The following TSPEAR variants were observed in gnomAD, a reference collection of about 807,000 sequenced individuals.
The protein encoded by TSPEAR is thrombospondin type laminin G domain and EAR repeats.
A neutral mutation model predicts 71.6 loss-of-function variants in TSPEAR; 69 were observed. That is an observed-to-expected ratio of 0.96 (90% CI 0.79 to 1.18). The LOEUF (loss-of-function observed/expected upper bound fraction) is 1.18. Among genes scored for constraint, TSPEAR ranks in the 50% most tolerant of loss-of-function variants. The pLI is 0.00. For missense variants in TSPEAR, 971 were observed against 894.9 expected, an observed-to-expected ratio of 1.09 and a Z score of -1.09; for synonymous variants, 402 against 387.2, an observed-to-expected ratio of 1.04 and a Z score of -0.45.
At chr21:44,574,935 C>G (rs200987020) in intron 1 of TSPEAR, 5 of 1,605,118 alleles carry the variant, frequency 3.1e-6, no homozygotes, top group Admixed American at 1.7e-5. Flanking sequence ...CAGCTGCTGC[C>G]GCCCAGCCTC....
At chr21:44,539,488 G>A (rs782110276) in intron 2 of TSPEAR, 8 of 1,613,758 alleles carry the variant, frequency 5.0e-6, no homozygotes, top group Non-Finnish European at 6.8e-6. Context: ...AGGAGGTGGT[G>A]CAGCAAGCCG....
chr21:44,517,175 G>A (rs1601346158), intron 9 of TSPEAR: 1 of 152,476 alleles, frequency 6.6e-6, no homozygotes, highest in Admixed American at 6.5e-5. Context: ...AGACCATCTG[G>A]GCTGGCTTCT....
At chr21:44,518,170 G>A (rs1555913728) in intron 9 of TSPEAR, 2 of 378,770 alleles carry the variant, frequency 5.3e-6, no homozygotes, top group Non-Finnish European at 1.1e-5. Context: ...GAATACTTCT[G>A]AAGACAAGTA....
intron 10 of TSPEAR, among the ~76,000 whole-genome samples, chr21:44,507,686 C>T (rs1335538937): frequency 6.6e-6 from 1 of 152,240 alleles, no homozygotes; most frequent in African/African-American, 2.4e-5. Context: ...CTAGACTGGG[C>T]ATCATGTCCA....
chr21:44,514,201 C>T (rs782163950), intron 9 of TSPEAR, among the ~76,000 whole-genome samples: 20 of 152,182 alleles, frequency 1.3e-4, no homozygotes, highest in Non-Finnish European at 2.1e-4. Context: ...GACAGATGTG[C>T]AGATGGAGAC....
intron 1 of TSPEAR, among the ~76,000 whole-genome samples, chr21:44,639,844 C>T (rs1983922892): frequency 6.6e-6 from 1 of 151,740 alleles, no homozygotes; most frequent in Non-Finnish European, 1.5e-5. Flanking sequence ...CGACAGGACC[C>T]AGCCTGTCTG....
chr21:44,699,448 G>T (rs1214224730), intron 1 of TSPEAR, among the ~76,000 whole-genome samples: 1 of 150,308 alleles, frequency 6.7e-6, no homozygotes, highest in East Asian at 1.9e-4. Context: ...CCTCCTGACT[G>T]CAGCCTCTGA....
intron 1 of TSPEAR, among the ~76,000 whole-genome samples, chr21:44,572,834 GACACACACACACACACACACAC>G (rs71199612): frequency 1.8e-4 from 22 of 124,892 alleles, no homozygotes; most frequent in South Asian, 3.3e-4. Flanking sequence ...GGGAGATTTG[GACACACACACACACACACACAC>G]ACACACACAC....
chr21:44,518,679 A>C (rs1249451547), intron 9 of TSPEAR: 2 of 469,564 alleles, frequency 4.3e-6, no homozygotes, highest in African/African-American at 2.0e-5. Flanking sequence ...CCTGCCCCCC[A>C]CCAGCTCATT....
rs782442290 is a variant in TSPEAR, at chr21:44,567,904, A to G, written c.184T>C (p.Ser62Pro). ...QVHGARGLQL[S>P]VAAPRTMSFP... ...CTCATGGTGCGGGGGGCGGCTACTGAGAGCTGGAGTCCCCGTGCACCGTGA... is the reference window on the plus strand; with the variant it reads ...CTCATGGTGCGGGGGGCGGCTACTGGGAGCTGGAGTCCCCGTGCACCGTGA... Residue 62 changes from serine (S) to proline (P), a missense_variant, in exon 2 of 12, where the codon TCA becomes CCA. Physicochemically the swap from Ser to Pro is moderately conservative, Grantham distance 74. Transcript: ENST00000323084. 1.9e-6 allele frequency: 3 copies of G among 1,607,864 alleles called. No homozygotes were observed. Among genetic ancestry groups the G allele is most frequent in the Non-Finnish European group, 2.6e-6 (3 of 1,176,188 alleles).
chr21:44,624,531 G>A (rs1257060543), intron 1 of TSPEAR, among the ~76,000 whole-genome samples: 6 of 152,144 alleles, frequency 3.9e-5, no homozygotes, highest in African/African-American at 1.4e-4. Flanking sequence ...GATCACTTTT[G>A]TTTCTGGGAG....
chr21:44,522,047 T>C lies in TSPEAR; in HGVS notation c.1402A>G (p.Asn468Asp). The C allele has an allele frequency of 6.2e-7, 1 of 1,614,120 alleles. No homozygotes were observed. The highest frequency in any genetic ancestry group is 8.5e-7 in the Non-Finnish European group (1 of 1,179,998). ...WNPATRLFEA[N>D]QTIATSGAYD... ...GCGCCGGAGGTGGCGATGGTCTGGT[T>C]GGCCTCGAAGAGCCGGGTTGCCGGG... is the stretch of plus-strand genomic sequence containing the variant. The change falls in exon 9 of 12, where the codon AAC (asparagine) becomes GAC (aspartate). Residue 468 changes from asparagine (N) to aspartate (D), a missense_variant. Physicochemically the swap from Asn to Asp is conservative, Grantham distance 23. Transcript: ENST00000323084.
At chr21:44,562,756 TA>T (rs2053655573) in intron 2 of TSPEAR, among the ~76,000 whole-genome samples, 1 of 152,176 alleles carries the variant, frequency 6.6e-6, no homozygotes, top group Admixed American at 6.5e-5. Context: ...CCAAGAATTC[TA>T]TATCCAACAA....
rs1467254923 is a variant in TSPEAR, at chr21:44,687,502, C to T, written c.82+23931G>A. On this transcript the variant is annotated intron_variant, in intron 1 of 11. Transcript: ENST00000323084. The surrounding 1 kb of genome is among the most constrained non-coding windows in gnomAD (Gnocchi z 4.4). The stretch of plus-strand genomic sequence containing the variant: ...CGGCAACAGGAACGCATCGCAGAAA[C>T]ACCGCGCGGGGTGGGAGAGGCCGGC... Among the ~76,000 whole-genome samples, 1 of 152,224 alleles carries T rather than the reference C, an allele frequency of 6.6e-6. No homozygotes were observed. Among genetic ancestry groups the T allele is most frequent in the Non-Finnish European group, 1.5e-5 (1 of 68,034 alleles).
rs1253560461 is a variant in TSPEAR, at chr21:44,529,711, A to G, written c.790+87T>C. ...GGGGGCAGGCACACGAGAGGGGCTGAGAGCTGAGCCCTGAGTTCCCGCCTG... is the reference window on the plus strand; with the variant it reads ...GGGGGCAGGCACACGAGAGGGGCTGGGAGCTGAGCCCTGAGTTCCCGCCTG... On this transcript the variant is annotated intron_variant, in intron 5 of 11. Coordinates refer to ENST00000323084, the MANE Select transcript of TSPEAR (RefSeq NM_144991.3). 45 of 1,481,138 alleles carry G rather than the reference A, an allele frequency of 3.0e-5. No individual in the cohort carries two copies. In the Admixed American group the frequency reaches 7.8e-4, roughly 26 times the overall value. The allele number at this position is 1,481,138 out of a possible 1,614,324, so 91.7% of individuals were successfully genotyped here.
At chr21:44,601,438 CCTGTGTG>C (rs1292116220) in intron 1 of TSPEAR, 103 of 1,611,410 alleles carry the variant, frequency 6.4e-5, no homozygotes, top group Non-Finnish European at 8.3e-5. Flanking sequence ...CTGCTGTAAG[CCTGTGTG>C]CTGTGTGCCC....
intron 8 of TSPEAR, among the ~76,000 whole-genome samples, chr21:44,524,936 T>C (rs1569163939): frequency 6.6e-6 from 1 of 151,302 alleles, no homozygotes; most frequent in Non-Finnish European, 1.5e-5. Flanking sequence ...GTCATTCAGG[T>C]AGTCAGTCAG....
intron 1 of TSPEAR, chr21:44,637,985 G>T (rs372682497): frequency 1.2e-6 from 2 of 1,613,598 alleles, no homozygotes; most frequent in Non-Finnish European, 1.7e-6. Flanking sequence ...CTCCTCCTCC[G>T]TGTCCCTCCT....
intron 8 of TSPEAR, among the ~76,000 whole-genome samples, chr21:44,525,259 T>C (rs73379214): frequency 0.028 from 4,234 of 151,852 alleles, 210 homozygotes; most frequent in African/African-American, 0.097. Context: ...ATTAGTCAAG[T>C]AGTTAGTCAA....
Sources: gnomAD v4.1 joint callset for allele counts (sites outside exome capture counted in the v4.1 genomes callset) on GRCh38, gnomAD v4.1.1 for gene constraint, Gnocchi (gnomAD v3.1) non-coding constraint, MANE v1.5 for transcripts, NCBI Gene and HGNC (gene_info 2026-07-23, HGNC 2026-07-21) for gene names.